Variants in CACNA2D4 observed in about 807,000 individuals in gnomAD.
CACNA2D4 encodes calcium voltage-gated channel auxiliary subunit alpha2delta 4, also known as voltage-dependent calcium channel subunit alpha-2/delta-4.
CACNA2D4 carries 157 observed loss-of-function variants against 163.8 expected under a neutral mutation model. That is an observed-to-expected ratio of 0.96 (90% confidence interval 0.84 to 1.09). The LOEUF (loss-of-function observed/expected upper bound fraction) is 1.09, where lower values mean the gene tolerates loss of function less well. Among genes scored for constraint, CACNA2D4 ranks in the 50% least tolerant of loss-of-function variants. The pLI is 0.00. For missense variants in CACNA2D4, 1,410 were observed against 1,479.9 expected (o/e 0.95, Z 0.78); for synonymous variants, 598 against 586.9 (o/e 1.02, Z -0.27).
chr12:1,917,900 C>T lies in CACNA2D4; in HGVS notation c.227+347G>A, dbSNP rs760349216. 3.9e-5 allele frequency: 10 copies of T among 258,350 alleles called. No homozygotes were observed. The South Asian group carries it at 5.0e-4, about 13-fold the overall frequency. The allele number at this position is 258,350 out of a possible 1,614,324, so 16.0% of individuals were successfully genotyped here. A position where few individuals can be genotyped will look rare whatever the true frequency, so the allele number is the denominator to read the frequency against. ...AGATAACCCGGCTCCTCCAGGCTGC[C>T]TCATCTCAGCGATTATCCTGAAGGA... On this transcript the variant is annotated intron_variant, in intron 1 of 37. Transcript: ENST00000382722. This position sits in a 1 kb window ranked among gnomAD's most constrained non-coding sequence, Gnocchi z 4.3.
chr12:1,846,448 C>T (rs768092821), intron 24 of CACNA2D4, 146 bp downstream of exon 24: 165 of 648,834 alleles, frequency 2.5e-4, no homozygotes, highest in Non-Finnish European at 3.8e-4. Flanking sequence ...CTGTCAATCC[C>T]GATCCTTCTG....
chr12:1,902,960 A>C (rs186661254), intron 6 of CACNA2D4, among the ~76,000 whole-genome samples: 1 of 152,288 alleles, frequency 6.6e-6, no homozygotes, highest in East Asian at 1.9e-4. Context: ...CCTGACTTCA[A>C]ATTATGCTAC....
rs1184018190 is a variant in CACNA2D4 at position 1,882,876 on chromosome 12, C to T, written c.1476G>A (p.Met492Ile). 1 of 1,613,762 alleles carries T rather than the reference C, an allele frequency of 6.2e-7. No individual in the cohort carries two copies. Among genetic ancestry groups the T allele is most frequent in the Non-Finnish European group, 8.5e-7 (1 of 1,179,774 alleles). Residue 492 changes from methionine to isoleucine, a missense_variant, in exon 13 of 38, where the codon ATG (methionine) becomes ATA (isoleucine). Physicochemically the swap from Met to Ile is conservative, Grantham distance 10. Coordinates refer to ENST00000382722, the MANE Select transcript of CACNA2D4 (RefSeq NM_172364.5). ...CTGCTGCCAGGCTCACCTTGCTGTC[C>T]ATGTAGGCCTCTGTCCAGATGATGT... ...DHDIIWTEAY[M>I]DSKLLSSQAQ...
chr12:1,882,891 C>A lies in CACNA2D4; in HGVS notation c.1461G>T (p.Trp487Cys). The A allele has an allele frequency of 6.2e-7, 1 of 1,613,820 alleles. No individual in the cohort carries two copies. Among genetic ancestry groups the A allele is most frequent in the Non-Finnish European group, 8.5e-7 (1 of 1,179,832 alleles). ...MVINHDHDII[W>C]TEAYMDSKLL... ...CCTTGCTGTCCATGTAGGCCTCTGT[C>A]CAGATGATGTCGTGGTCGTGGTTGA... The change falls in exon 13 of 38, where the codon TGG becomes TGT. Residue 487 changes from tryptophan (W) to cysteine (C), a missense_variant. Coordinates refer to ENST00000382722, the MANE Select transcript of CACNA2D4 (RefSeq NM_172364.5).
intron 26 of CACNA2D4, among the ~76,000 whole-genome samples, chr12:1,813,395 T>C (rs914841084): frequency 1.3e-5 from 2 of 152,150 alleles, no homozygotes; most frequent in African/African-American, 4.8e-5. Flanking sequence ...GCCTCACCAA[T>C]TGAATCTCCT....
At chr12:1,821,008 T>A (rs1430852391) in intron 26 of CACNA2D4, among the ~76,000 whole-genome samples, 1 of 152,174 alleles carries the variant, frequency 6.6e-6, no homozygotes, top group Admixed American at 6.5e-5. Context: ...TGCACGACAC[T>A]GGGAACTCTG....
intron 26 of CACNA2D4, chr12:1,831,656 G>C: frequency 1.4e-6 from 1 of 733,628 alleles, no homozygotes; most frequent in Non-Finnish European, 2.2e-6. Context: ...CCCTGCCTCT[G>C]TGCCAGCTCG....
rs76156804 is a variant in CACNA2D4, at chr12:1,881,469, G to A, written c.1485+1398C>T. Among the ~76,000 whole-genome samples, 1,474 of 152,330 alleles carry A rather than the reference G, an allele frequency of 9.7e-3. 29 individuals carry two copies. The highest frequency in any genetic ancestry group is 0.032 in the African/African-American group (1,349 of 41,558). Reference sequence around the variant, plus strand: ...TGAAAGCCTTCGCTTTCCAGCTCCCGTGGCATGACCACAACACTCCCAGGT... The same window carrying A: ...TGAAAGCCTTCGCTTTCCAGCTCCCATGGCATGACCACAACACTCCCAGGT... On this transcript the variant is annotated intron_variant, in intron 13 of 37. Coordinates refer to ENST00000382722, the MANE Select transcript of CACNA2D4 (RefSeq NM_172364.5).
intron 18 of CACNA2D4, among the ~76,000 whole-genome samples, chr12:1,868,864 A>G (rs900664965): frequency 2.0e-5 from 3 of 152,146 alleles, no homozygotes; most frequent in Non-Finnish European, 4.4e-5. Context: ...ATTATCCCTT[A>G]AACAATACAG....
Position 1,835,139 on chromosome 12 carries a change from G to A in CACNA2D4, c.2551+5600C>T, listed in dbSNP as rs911392232. The A allele has an allele frequency of 1.7e-5, 3 of 175,478 alleles. No homozygotes were observed. In the Admixed American group the frequency reaches 1.7e-4, roughly 10 times the overall value. The allele number at this position is 175,478 out of a possible 1,614,324, so 10.9% of individuals were successfully genotyped here. On this transcript the variant is annotated intron_variant, in intron 26 of 37. Coordinates refer to ENST00000382722, the MANE Select transcript of CACNA2D4 (RefSeq NM_172364.5). ...AGGGGACGGGGAGGGAGGGATCTGA[G>A]GGATGAAGGTAGATTTCTGAGACTC...
chr12:1,834,339 T>C lies in CACNA2D4; in HGVS notation c.2551+6400A>G, dbSNP rs1168695808. The stretch of plus-strand genomic sequence containing the variant: ...GGGAAGGACATGCGGATGGTCCCCA[T>C]GGAGATGTTCAACTACTGCTCCCAG... On this transcript the variant is annotated intron_variant, in intron 26 of 37. Transcript: ENST00000382722. This position sits in a 1 kb window ranked among gnomAD's most constrained non-coding sequence, Gnocchi z 7.6. The C allele has an allele frequency of 5.0e-6, 8 of 1,612,350 alleles. No homozygotes were observed. Among genetic ancestry groups the C allele is most frequent in the Admixed American group, 1.7e-5 (1 of 59,966 alleles).
In CACNA2D4 at chr12:1,798,708, G is replaced by A. The variant is rs148258533; in HGVS notation, c.2995+967C>T. Among the ~76,000 whole-genome samples, 497 of 152,274 alleles carry A rather than the reference G, an allele frequency of 3.3e-3. 1 individual carries two copies. The highest frequency in any genetic ancestry group is 7.8e-3 in the Admixed American group (120 of 15,298). Reference sequence around the variant, plus strand: ...CCAGACCAGGGGGAGGAGCTCCAGGGGACAGGTACCCCAGAGAAGAGAAAT... The same window carrying A: ...CCAGACCAGGGGGAGGAGCTCCAGGAGACAGGTACCCCAGAGAAGAGAAAT... On this transcript the variant is annotated intron_variant, in intron 34 of 37. Coordinates refer to ENST00000382722, the MANE Select transcript of CACNA2D4 (RefSeq NM_172364.5). The surrounding 1 kb of genome is among the most constrained non-coding windows in gnomAD (Gnocchi z 4.3).
chr12:1,873,284 G>A (rs760854944), intron 18 of CACNA2D4, among the ~76,000 whole-genome samples: 2 of 152,218 alleles, frequency 1.3e-5, no homozygotes, highest in Admixed American at 6.5e-5. Flanking sequence ...TGAAGCACCC[G>A]TATATCAGGA....
At chr12:1,807,618 C>T (rs564016531) in intron 29 of CACNA2D4, among the ~76,000 whole-genome samples, 9 of 152,250 alleles carry the variant, frequency 5.9e-5, no homozygotes, top group South Asian at 2.1e-4. Flanking sequence ...CCCAGTCTAG[C>T]GCCTGCTGCC....
intron 13 of CACNA2D4, among the ~76,000 whole-genome samples, chr12:1,881,506 A>C (rs1216514016): frequency 6.6e-6 from 1 of 152,256 alleles, no homozygotes; most frequent in African/African-American, 2.4e-5. Context: ...AGGGAGGCCC[A>C]CACGGAGCAC....
At chr12:1,826,237 T>C (rs192745745) in intron 26 of CACNA2D4, among the ~76,000 whole-genome samples, 181 of 152,228 alleles carry the variant, frequency 1.2e-3, no homozygotes, top group Non-Finnish European at 2.0e-3. Flanking sequence ...ATTTCCATGG[T>C]GATGGGCACT....
At chr12:1,825,866 C>T (rs1864295109) in intron 26 of CACNA2D4, among the ~76,000 whole-genome samples, 1 of 152,180 alleles carries the variant, frequency 6.6e-6, no homozygotes, top group Non-Finnish European at 1.5e-5. Context: ...TGACCTTGGA[C>T]AAGTGATCAA....
At chr12:1,906,512 C>G (rs1276876847) in intron 6 of CACNA2D4, among the ~76,000 whole-genome samples, 2 of 152,196 alleles carry the variant, frequency 1.3e-5, no homozygotes, top group South Asian at 2.1e-4. Context: ...GAAATGGCCT[C>G]TCTCTACTGA....
chr12:1,871,097 C>T (rs1275949130), intron 18 of CACNA2D4, among the ~76,000 whole-genome samples: 5 of 148,930 alleles, frequency 3.4e-5, no homozygotes, highest in Non-Finnish European at 7.5e-5. Context: ...TGTGTGTGTA[C>T]GTGTGTGCTG....
Sources: gnomAD v4.1 joint callset for allele counts (sites outside exome capture counted in the v4.1 genomes callset) on GRCh38, gnomAD v4.1.1 for gene constraint, Gnocchi (gnomAD v3.1) non-coding constraint, MANE v1.5 for transcripts, NCBI Gene and HGNC (gene_info 2026-07-23, HGNC 2026-07-21) for gene names.